Variants in AMN observed in about 807,000 individuals in gnomAD.
AMN encodes the protein amnion associated transmembrane protein.
A neutral mutation model predicts 49.1 loss-of-function variants in AMN; 40 were observed. The observed-to-expected ratio is 0.81, with a 90% confidence interval of 0.63 to 1.06. The LOEUF is 1.06. Among genes scored for constraint, AMN ranks in the 50% least tolerant of loss-of-function variants. The pLI, the probability that AMN is intolerant of heterozygous loss-of-function variation, is 0.00. For missense variants in AMN, 701 were observed against 662.8 expected (o/e 1.06, Z -0.63); for synonymous variants, 380 against 313.3 (o/e 1.21, Z -2.25).
chr14:102,929,407 G>A (rs1424199994), intron 6 of AMN, 21 bp from the exon 7 acceptor site: 1 of 1,529,106 alleles, frequency 6.5e-7, no homozygotes, highest in South Asian at 1.2e-5. Flanking sequence ...CCTCCGCGCT[G>A]ACCACCGCCC....
intron 11 of AMN, 34 bp downstream of exon 11, chr14:102,930,527 CG>C (rs915321774): frequency 1.3e-6 from 2 of 1,543,170 alleles, no homozygotes; most frequent in African/African-American, 2.7e-5. Context: ...GGGGCCTCCT[CG>C]GGGCCGGGAC....
intron 3 of AMN, among the ~76,000 whole-genome samples, chr14:102,926,362 G>A (rs766323391): frequency 1.3e-5 from 2 of 152,084 alleles, no homozygotes; most frequent in Admixed American, 6.5e-5. Context: ...GCTGGAATCC[G>A]TCGTGTGCCT....
chr14:102,924,283 A>G lies in AMN; in HGVS notation c.207+304A>G, dbSNP rs549220135. Among the ~76,000 whole-genome samples the G allele has an allele frequency of 5.3e-5, 8 of 152,142 alleles. 1 individual carries two copies. In the South Asian group the frequency reaches 1.7e-3, roughly 32 times the overall value. On this transcript the variant is annotated intron_variant, in intron 3 of 11. Transcript: ENST00000299155. ...GCGCCTGCTCCATGCCCTTCCCCCA[A>G]AGCCTTGCCTTGTCCTGGTGCCTAA...
intron 3 of AMN, among the ~76,000 whole-genome samples, chr14:102,925,342 C>T (rs998935519): frequency 6.6e-6 from 1 of 152,238 alleles, no homozygotes; most frequent in Non-Finnish European, 1.5e-5. Flanking sequence ...CTCATTTCCA[C>T]CCCAGGGCCG....
chr14:102,929,234 G>A lies in AMN; in HGVS notation c.627G>A (p.Ser209=). 2 of 1,522,062 alleles carry A rather than the reference G, an allele frequency of 1.3e-6. No homozygotes were observed. The highest frequency in any genetic ancestry group is 1.7e-6 in the Non-Finnish European group (2 of 1,145,236). The allele number at this position is 1,522,062 out of a possible 1,614,324, so 94.3% of individuals were successfully genotyped here. Residue 209 remains serine, a synonymous_variant, in exon 6 of 12, where the codon TCG becomes TCA. Transcript: ENST00000299155. ...SVGPEDCADP[S]GCVCGNAEAQ... is the part of the protein sequence containing the mutation. ...GCCCCGAGGACTGCGCGGACCCGTC[G>A]GGCTGCGTCTGCGGCAACGCGGAGG... is the stretch of plus-strand genomic sequence containing the variant.
chr14:102,928,161 C>A lies in AMN; in HGVS notation c.208-265C>A, dbSNP rs575833339. Among the ~76,000 whole-genome samples, 10 of 152,386 alleles carry A rather than the reference C, an allele frequency of 6.6e-5. No individual in the cohort carries two copies. The South Asian group carries it at 2.1e-3, about 32-fold the overall frequency. The stretch of plus-strand genomic sequence containing the variant: ...GTCTCGCTCCCCGGCTCCGGCTCTG[C>A]CCCTGGCCTGTGAGACCTCCAGCTC... On this transcript the variant is annotated intron_variant, in intron 3 of 11. Coordinates refer to ENST00000299155, the MANE Select transcript of AMN (RefSeq NM_030943.4).
Position 102,928,947 on chromosome 14 carries a change from G to A in AMN, c.485G>A (p.Arg162His), listed in dbSNP as rs756169550. ...CTCGGCCCTGGCGCTAGCCCCGTGC[G>A]TGTCCGCAGCATCTCGGCTCTGGGC... ...VGLGPGASPV[R>H]VRSISALGRT... Residue 162 changes from arginine (R) to histidine (H), a missense_variant, in exon 5 of 12, where the codon CGT (arginine) becomes CAT (histidine). Arg to His is a conservative substitution (Grantham distance 29). Coordinates refer to ENST00000299155, the MANE Select transcript of AMN (RefSeq NM_030943.4). 1.3e-6 allele frequency: 2 copies of A among 1,599,998 alleles called. No homozygotes were observed. The highest frequency in any genetic ancestry group is 1.7e-6 in the Non-Finnish European group (2 of 1,179,614).
intron 3 of AMN, among the ~76,000 whole-genome samples, chr14:102,924,499 G>A (rs1289283024): frequency 6.6e-6 from 1 of 152,198 alleles, no homozygotes; most frequent in Admixed American, 6.5e-5. Context: ...CGAGGGGCCT[G>A]GGTGGGTGTG....
Position 102,930,197 on chromosome 14 carries a change from C to CGGGA in AMN, c.1041_1044dup (p.Ser349GlyfsTer?), listed in dbSNP as rs1170981677. ...CCTCGGCGTCCTGGAGGCGACCATG[C>CGGGA]GGGAGTCGGGCGCACACGTCTGGGG... On this transcript the variant is annotated frameshift_variant, in exon 10 of 12. Coordinates refer to ENST00000299155, the MANE Select transcript of AMN (RefSeq NM_030943.4). LOFTEE classifies it high-confidence loss of function. 1 of 1,475,502 alleles carries CGGGA rather than the reference C, an allele frequency of 6.8e-7. No individual in the cohort carries two copies. Among genetic ancestry groups the CGGGA allele is most frequent in the Non-Finnish European group, 8.9e-7 (1 of 1,119,860 alleles). 91.4% of individuals were successfully genotyped at this position (1,475,502 alleles called of 1,614,324 possible). A position where few individuals can be genotyped will look rare whatever the true frequency, so the allele number is the denominator to read the frequency against.
At chr14:102,928,566 G>C in intron 4 of AMN, 53 bp downstream of exon 4, 4 of 1,559,504 alleles carry the variant, frequency 2.6e-6, no homozygotes, top group Non-Finnish European at 3.5e-6. Context: ...CAGGGGCGGG[G>C]ACTGGAGGGA....
intron 6 of AMN, 46 bp downstream of exon 6, chr14:102,929,304 G>A (rs983931584): frequency 6.9e-7 from 1 of 1,449,696 alleles, no homozygotes; most frequent in Non-Finnish European, 9.0e-7. Context: ...CGAGGGTCGG[G>A]ACTGTGCCCG....
intron 1 of AMN, chr14:102,923,236 C>T: frequency 3.7e-6 from 1 of 269,938 alleles, no homozygotes; most frequent in Non-Finnish European, 7.2e-6. Flanking sequence ...CTGACCTGGT[C>T]CTGCCGCCCC....
chr14:102,929,850 C>G, intron 8 of AMN, 74 bp from the exon 9 acceptor site: 1 of 1,546,796 alleles, frequency 6.5e-7, no homozygotes, highest in Admixed American at 2.0e-5. Context: ...CACTATCTGC[C>G]TCTGCCCTTA....
In AMN at chr14:102,929,265, G is replaced by A; in HGVS notation, c.651+7G>A. ...CGTCTGCGGCAACGCGGAGGTGAGC[G>A]AGGCCGCAGTGGAGTCGCGGGGGCC... is the stretch of plus-strand genomic sequence containing the variant. On this transcript the variant is annotated splice_region_variant and intron_variant, in intron 6 of 11. Transcript: ENST00000299155. The A allele has an allele frequency of 1.4e-6, 2 of 1,465,504 alleles. No individual in the cohort carries two copies. The highest frequency in any genetic ancestry group is 1.5e-5 in the African/African-American group (1 of 68,712). The allele number at this position is 1,465,504 out of a possible 1,614,324, so 90.8% of individuals were successfully genotyped here.
intron 3 of AMN, among the ~76,000 whole-genome samples, chr14:102,926,884 C>T (rs938314379): frequency 6.6e-6 from 1 of 152,068 alleles, no homozygotes; most frequent in Non-Finnish European, 1.5e-5. Context: ...GTTAATTCAT[C>T]AATACTTTGT....
rs941263580 is a variant in AMN at position 102,930,029 on chromosome 14, G to C, written c.949G>C (p.Glu317Gln). Residue 317 changes from glutamate to glutamine, a missense_variant, in exon 9 of 12, where the codon GAG becomes CAG. Physicochemically the swap from Glu to Gln is conservative, Grantham distance 29. Transcript: ENST00000299155. The part of the protein sequence containing the change: ...IQVVLVENGP[E>Q]TGGAGRLARA... Reference sequence around the variant, plus strand: ...GGTGGTGCTGGTGGAGAATGGGCCCGAGACAGGCGGAGCGGGGCGGCTGGC... The same window carrying C: ...GGTGGTGCTGGTGGAGAATGGGCCCCAGACAGGCGGAGCGGGGCGGCTGGC... 3 of 1,552,556 alleles carry C rather than the reference G, an allele frequency of 1.9e-6. No individual in the cohort carries two copies. The highest frequency in any genetic ancestry group is 2.7e-5 in the African/African-American group (2 of 73,264).
intron 3 of AMN, among the ~76,000 whole-genome samples, chr14:102,926,213 G>GC (rs1382270519): frequency 1.3e-5 from 2 of 152,148 alleles, no homozygotes; most frequent in African/African-American, 4.8e-5. Context: ...TTTGAGAATC[G>GC]CGTCTGCTCC....
chr14:102,930,817 C>T lies in AMN; in HGVS notation c.*137C>T. ...CTCCGGGGGCCAAGGACAGGGTGGC[C>T]TTACTCAGTAAAGGTGTTTCCTGCA... On this transcript the variant is annotated 3_prime_UTR_variant, in exon 12 of 12. Transcript: ENST00000299155. 2.9e-6 allele frequency: 3 copies of T among 1,021,396 alleles called. No homozygotes were observed. Among genetic ancestry groups the T allele is most frequent in the Non-Finnish European group, 2.9e-6 (2 of 682,662 alleles). 63.3% of individuals were successfully genotyped at this position (1,021,396 alleles called of 1,614,324 possible).
In AMN at chr14:102,928,482, A is replaced by T; in HGVS notation, c.264A>T (p.Ser88=). The T allele has an allele frequency of 6.2e-7, 1 of 1,609,522 alleles. No individual in the cohort carries two copies. The highest frequency in any genetic ancestry group is 8.5e-7 in the Non-Finnish European group (1 of 1,179,086). The change falls in exon 4 of 12, where the codon TCA becomes TCT. Residue 88 remains serine (S), a synonymous_variant. Coordinates refer to ENST00000299155, the MANE Select transcript of AMN (RefSeq NM_030943.4). The part of the protein sequence containing the change: ...VLASGAGFGV[S]DVGSHLDCGA... The stretch of plus-strand genomic sequence containing the variant: ...CTTCAGGAGCCGGATTCGGCGTCTC[A>T]GACGTGGGCTCGCACCTGGACTGTG...
Sources: gnomAD v4.1 joint callset for allele counts (sites outside exome capture counted in the v4.1 genomes callset) on GRCh38, gnomAD v4.1.1 for gene constraint, MANE v1.5 for transcripts, NCBI Gene and HGNC (gene_info 2026-07-23, HGNC 2026-07-21) for gene names.